BFSP1: variants seen among roughly 807,000 people sequenced by gnomAD.
BFSP1 encodes the protein filensin.
In BFSP1, 38 loss-of-function variants were observed where a neutral mutation model predicts 43.9. That is an observed-to-expected ratio of 0.87 (90% confidence interval 0.67 to 1.14). The LOEUF (loss-of-function observed/expected upper bound fraction) is 1.14. Ranked by LOEUF, BFSP1 falls within the 50% of genes most tolerant of loss-of-function variation. The pLI is 0.00. For synonymous variants in BFSP1, 352 were observed against 354.8 expected, an observed-to-expected ratio of 0.99 and a Z score of 0.09; for missense variants, 850 against 875.1, an observed-to-expected ratio of 0.97 and a Z score of 0.36.
At chr20:17,523,583 T>A (rs2034359172) in intron 2 of BFSP1, among the ~76,000 whole-genome samples, 1 of 151,178 alleles carries the variant, frequency 6.6e-6, no homozygotes, top group Non-Finnish European at 1.5e-5. Flanking sequence ...AAGCCAACTA[T>A]TGAGCGTGTG....
intron 1 of BFSP1, among the ~76,000 whole-genome samples, chr20:17,558,128 G>C (rs977632951): frequency 4.1e-5 from 6 of 144,906 alleles, no homozygotes; most frequent in African/African-American, 1.6e-4. Context: ...ATGGGGGGGG[G>C]TTTTACTCAG....
chr20:17,540,015 G>C (rs957218927), intron 1 of BFSP1, among the ~76,000 whole-genome samples: 19 of 152,092 alleles, frequency 1.2e-4, no homozygotes, highest in African/African-American at 3.6e-4. Flanking sequence ...GTACAGTTTA[G>C]GAGTATACTA....
intron 1 of BFSP1, among the ~76,000 whole-genome samples, chr20:17,526,081 G>A (rs1004465180): frequency 5.6e-5 from 7 of 124,376 alleles, no homozygotes; most frequent in African/African-American, 1.5e-4. Context: ...GAAACATTTT[G>A]GATAAGCCAA....
At chr20:17,514,102 CCT>C (rs1349985191) in intron 3 of BFSP1, among the ~76,000 whole-genome samples, 1 of 152,190 alleles carries the variant, frequency 6.6e-6, no homozygotes, top group African/African-American at 2.4e-5. Context: ...AGAGGGAAGC[CCT>C]GAGGCACCCA....
chr20:17,517,891 G>A (rs528772976), intron 2 of BFSP1, among the ~76,000 whole-genome samples: 13 of 152,262 alleles, frequency 8.5e-5, no homozygotes, highest in Admixed American at 4.6e-4. Flanking sequence ...TTTCGGCAAC[G>A]GAACATCTTG....
chr20:17,500,021 A>G (rs1052320924), intron 5 of BFSP1, among the ~76,000 whole-genome samples: 5 of 152,200 alleles, frequency 3.3e-5, no homozygotes, highest in Non-Finnish European at 7.3e-5. Context: ...TCTGATAGCA[A>G]AAAAATAAGT....
Position 17,498,832 on chromosome 20 carries a change from A to G in BFSP1, c.944T>C (p.Ile315Thr). Residue 315 changes from isoleucine (I) to threonine (T), a missense_variant, in exon 6 of 8, where the codon ATT (isoleucine) becomes ACT (threonine). Coordinates refer to ENST00000377873, the MANE Select transcript of BFSP1 (RefSeq NM_001195.5). Reference sequence around the variant, plus strand: ...GGCACACGCTCACCTGTTGCCTTCAATCTCGATGATACGATGATACCGGTC... The same window carrying G: ...GGCACACGCTCACCTGTTGCCTTCAGTCTCGATGATACGATGATACCGGTC... ...ELDRYHRIIEIEGNRLTSAFI... is the reference protein window; with the variant it reads ...ELDRYHRIIETEGNRLTSAFI... The G allele has an allele frequency of 1.2e-6, 2 of 1,612,880 alleles. No individual in the cohort carries two copies. Among genetic ancestry groups the G allele is most frequent in the African/African-American group, 2.7e-5 (2 of 75,020 alleles).
Position 17,525,115 on chromosome 20 carries a change from G to A in BFSP1, c.378-207C>T, listed in dbSNP as rs1333230716. Among the ~76,000 whole-genome samples, 2 of 152,076 alleles carry A rather than the reference G, an allele frequency of 1.3e-5. No homozygotes were observed. The highest frequency in any genetic ancestry group is 6.6e-5 in the Admixed American group (1 of 15,264). ...GTGGTACCATTTGCACACCGCGTGG[G>A]GTAACCAGGGGCAGTTAGCGGAATA... On this transcript the variant is annotated intron_variant, in intron 1 of 7. Coordinates refer to ENST00000377873, the MANE Select transcript of BFSP1 (RefSeq NM_001195.5). The surrounding 1 kb of genome is among the most constrained non-coding windows in gnomAD (Gnocchi z 4.2).
At chr20:17,513,486 T>A (rs888196467) in intron 3 of BFSP1, among the ~76,000 whole-genome samples, 7 of 152,112 alleles carry the variant, frequency 4.6e-5, no homozygotes, top group African/African-American at 1.7e-4. Context: ...CAGGATTCCA[T>A]CAAGTAGGGT....
At chr20:17,499,101 C>T in intron 5 of BFSP1, 61 bp from the exon 6 acceptor site, 2 of 1,502,742 alleles carry the variant, frequency 1.3e-6, no homozygotes, top group Non-Finnish European at 1.8e-6. Context: ...AGACAGACCT[C>T]ACCAGGAAAA....
chr20:17,501,422 G>T (rs2033796703), intron 5 of BFSP1, among the ~76,000 whole-genome samples: 1 of 152,032 alleles, frequency 6.6e-6, no homozygotes, highest in Non-Finnish European at 1.5e-5. Flanking sequence ...AAAATTAGCT[G>T]GGCGTGGTGG....
intron 1 of BFSP1, among the ~76,000 whole-genome samples, chr20:17,553,850 C>CACATATATAT (rs1555805827): frequency 2.6e-5 from 2 of 77,306 alleles, no homozygotes; most frequent in South Asian, 3.7e-4. Flanking sequence ...CATATATATA[C>CACATATATAT]ATATATATAC....
intron 1 of BFSP1, among the ~76,000 whole-genome samples, chr20:17,528,558 C>T (rs2034468384): frequency 6.6e-6 from 1 of 152,206 alleles, no homozygotes; most frequent in Non-Finnish European, 1.5e-5. Context: ...GGGCCTTAGG[C>T]TGCAGGAGTC....
chr20:17,555,663 A>T (rs1465953468), intron 1 of BFSP1, among the ~76,000 whole-genome samples: 1 of 152,192 alleles, frequency 6.6e-6, no homozygotes, highest in Non-Finnish European at 1.5e-5. Context: ...AAAAAACAAA[A>T]CAAAATAAAC....
intron 1 of BFSP1, among the ~76,000 whole-genome samples, chr20:17,547,897 A>ATTTTTTTT (rs71192391): frequency 4.9e-3 from 500 of 101,428 alleles, no homozygotes; most frequent in East Asian, 7.0e-3. Context: ...TGCCCGGCCA[A>ATTTTTTTT]TTTTTTTTTT....
intron 1 of BFSP1, among the ~76,000 whole-genome samples, chr20:17,553,345 C>T (rs567537724): frequency 2.0e-5 from 3 of 151,918 alleles, no homozygotes; most frequent in Non-Finnish European, 1.5e-5. Flanking sequence ...ACAAGAACAA[C>T]TAAAATCCAT....
At chr20:17,543,078 A>C (rs1187151855) in intron 1 of BFSP1, among the ~76,000 whole-genome samples, 5 of 152,146 alleles carry the variant, frequency 3.3e-5, no homozygotes, top group African/African-American at 9.7e-5. Flanking sequence ...ATAATGGCTG[A>C]CCACTGGCTC....
At chr20:17,540,065 C>G (rs1458667450) in intron 1 of BFSP1, among the ~76,000 whole-genome samples, 2 of 152,174 alleles carry the variant, frequency 1.3e-5, no homozygotes, top group Non-Finnish European at 2.9e-5. Flanking sequence ...GACCTAAACT[C>G]CACATGAAGT....
chr20:17,512,299 C>T (rs1396623266), intron 3 of BFSP1, among the ~76,000 whole-genome samples: 1 of 152,140 alleles, frequency 6.6e-6, no homozygotes, highest in Non-Finnish European at 1.5e-5. Context: ...TTAATCTTCA[C>T]AAGAACAACG....
Sources: gnomAD v4.1 joint callset for allele counts (sites outside exome capture counted in the v4.1 genomes callset) on GRCh38, gnomAD v4.1.1 for gene constraint, Gnocchi (gnomAD v3.1) non-coding constraint, MANE v1.5 for transcripts, NCBI Gene and HGNC (gene_info 2026-07-23, HGNC 2026-07-21) for gene names.